YBX3: variants seen among roughly 807,000 people sequenced by gnomAD.
YBX3 encodes the protein Y-box binding protein 3.
In YBX3, 29 loss-of-function variants were observed where a neutral mutation model predicts 42.4. The observed-to-expected ratio is 0.68, with a 90% confidence interval of 0.51 to 0.93. The LOEUF is 0.93. YBX3 is among the 40% of genes least tolerant of loss of function. The pLI is 0.00. For missense variants in YBX3, 517 were observed against 527.5 expected (o/e 0.98, Z 0.19); for synonymous variants, 195 against 189.8 (o/e 1.03, Z -0.22).
intron 5 of YBX3, chr12:10,710,326 C>T: frequency 7.0e-7 from 1 of 1,434,824 alleles, no homozygotes; most frequent in Non-Finnish European, 9.1e-7. Context: ...AGATAAAATA[C>T]CAAGAAGCAG....
At chr12:10,702,290 G>A (rs1358354762) in intron 7 of YBX3, 156 bp from the exon 8 acceptor site, 2 of 587,208 alleles carry the variant, frequency 3.4e-6, no homozygotes, top group African/African-American at 1.9e-5. Flanking sequence ...GGAGGCTGAG[G>A]CAGGCGGATC....
rs547973064 is a variant in YBX3 at position 10,715,759 on chromosome 12, G to A, written c.385C>T (p.Arg129Trp). The A allele has an allele frequency of 4.7e-5, 76 of 1,613,906 alleles. No individual in the cohort carries two copies. Among genetic ancestry groups the A allele is most frequent in the South Asian group, 1.2e-4 (11 of 91,068 alleles). The change falls in exon 4 of 10, where the codon CGG (arginine) becomes TGG (tryptophan). Residue 129 changes from arginine to tryptophan, a missense_variant. Coordinates refer to ENST00000228251, the MANE Select transcript of YBX3 (RefSeq NM_003651.5). Reference protein sequence around the residue: ...HQTAIKKNNPRKYLRSVGDGE... With the variant: ...HQTAIKKNNPWKYLRSVGDGE... ...TCTCCTACACTGCGCAGATATTTCC[G>A]TGGGTTATTCTTCTTGATGGCAGTC...
chr12:10,704,559 C>A (rs1264552661), intron 6 of YBX3: 1 of 153,988 alleles, frequency 6.5e-6, no homozygotes, highest in African/African-American at 2.4e-5. Flanking sequence ...AACAAAAAAA[C>A]CCACCAACAA....
chr12:10,714,432 T>C (rs1948236498), intron 4 of YBX3, among the ~76,000 whole-genome samples: 1 of 152,114 alleles, frequency 6.6e-6, no homozygotes, highest in Admixed American at 6.5e-5. Context: ...TATAACAGAC[T>C]AAACACAAAG....
At chr12:10,712,797 T>C (rs11831073) in intron 5 of YBX3, 2,341 of 154,292 alleles carry the variant, frequency 0.015, 68 homozygotes, top group African/African-American at 0.053. Flanking sequence ...AGTCTTCCTG[T>C]TAAAAGATAA....
At chr12:10,700,926 A>G (rs1948071258) in intron 9 of YBX3, among the ~76,000 whole-genome samples, 1 of 152,158 alleles carries the variant, frequency 6.6e-6, no homozygotes, top group Non-Finnish European at 1.5e-5. Context: ...ACTGTTTCTG[A>G]TTACTAAAAC....
chr12:10,712,489 T>C (rs1226357277), intron 5 of YBX3: 1 of 152,186 alleles, frequency 6.6e-6, no homozygotes, highest in African/African-American at 2.4e-5. Context: ...TACTTTGAAA[T>C]AATGGAAAAA....
chr12:10,716,768 GA>G (rs1385650295), intron 3 of YBX3, among the ~76,000 whole-genome samples: 1 of 152,054 alleles, frequency 6.6e-6, no homozygotes, highest in Non-Finnish European at 1.5e-5. Flanking sequence ...ACCCATAGAG[GA>G]AAAAAGGCAG....
intron 6 of YBX3, among the ~76,000 whole-genome samples, chr12:10,705,378 C>G (rs797170): frequency 0.27 from 41,045 of 152,088 alleles, 5,983 homozygotes; most frequent in South Asian, 0.42. Flanking sequence ...CAGGCATGAG[C>G]CACCACGTTG....
At chr12:10,714,529 T>G (rs753660190) in intron 4 of YBX3, among the ~76,000 whole-genome samples, 5 of 152,230 alleles carry the variant, frequency 3.3e-5, no homozygotes, top group Non-Finnish European at 7.3e-5. Context: ...CCTTAACTTC[T>G]TGGATTCAGT....
intron 9 of YBX3, among the ~76,000 whole-genome samples, chr12:10,701,052 C>CTAT (rs1397842636): frequency 6.6e-6 from 1 of 152,122 alleles, no homozygotes; most frequent in Admixed American, 6.5e-5. Context: ...AATGCTTATA[C>CTAT]CCTCACCAAA....
At chr12:10,710,263 T>C (rs1360720700) in intron 5 of YBX3, 149 bp from the exon 6 acceptor site, 1 of 1,515,154 alleles carries the variant, frequency 6.6e-7, no homozygotes, top group East Asian at 2.4e-5. Flanking sequence ...TTAACCCAGA[T>C]TATCATGTGA....
chr12:10,718,394 T>C (rs1170504640), intron 2 of YBX3: 2 of 366,906 alleles, frequency 5.5e-6, no homozygotes, highest in Non-Finnish European at 9.9e-6. Flanking sequence ...TCTTTCTGAA[T>C]CACATGGTGT....
At chr12:10,702,181 G>A (rs1358659488) in intron 7 of YBX3, 47 bp from the exon 8 acceptor site, 2 of 1,545,850 alleles carry the variant, frequency 1.3e-6, no homozygotes, top group African/African-American at 1.4e-5. Context: ...ACAGGACAGG[G>A]CTTCTCCAGA....
At chr12:10,712,743 G>A (rs1286570410) in intron 5 of YBX3, 1 of 152,376 alleles carries the variant, frequency 6.6e-6, no homozygotes, top group Non-Finnish European at 1.5e-5. Context: ...AGAGCCAAAT[G>A]AAGAGAAACC....
chr12:10,713,350 A>C lies in YBX3; in HGVS notation c.451-17T>G. 6.2e-7 allele frequency: 1 copy of C among 1,609,684 alleles called. No individual in the cohort carries two copies. Among genetic ancestry groups the C allele is most frequent in the African/African-American group, 1.3e-5 (1 of 74,602 alleles). The stretch of plus-strand genomic sequence containing the variant: ...TTCTGCACCCTGAGAAGAAAATAAA[A>C]AGATGGCCTCAAAATTAAAAAGAAT... On this transcript the variant is annotated splice_polypyrimidine_tract_variant and intron_variant, in intron 4 of 9. Coordinates refer to ENST00000228251, the MANE Select transcript of YBX3 (RefSeq NM_003651.5).
intron 9 of YBX3, among the ~76,000 whole-genome samples, chr12:10,699,874 A>G (rs913148314): frequency 6.6e-6 from 1 of 152,202 alleles, no homozygotes; most frequent in Non-Finnish European, 1.5e-5. Flanking sequence ...AAGTCAGTAC[A>G]TAAGAGCAAA....
intron 1 of YBX3, 47 bp downstream of exon 1, chr12:10,722,803 G>A: frequency 1.5e-6 from 2 of 1,377,272 alleles, no homozygotes; most frequent in South Asian, 1.9e-5. Flanking sequence ...GCGGCCGGCT[G>A]GGCCCGCCCC....
At chr12:10,715,893 T>G (rs1948256748) in intron 3 of YBX3, 110 bp from the exon 4 acceptor site, 1 of 886,756 alleles carries the variant, frequency 1.1e-6, no homozygotes, top group Non-Finnish European at 1.8e-6. Context: ...GACCGATTCT[T>G]ATTTTTCCAC....
Sources: allele counts gnomAD v4.1 joint callset (sites outside exome capture counted in the v4.1 genomes callset), GRCh38; gene constraint gnomAD v4.1.1; transcripts MANE v1.5; gene names NCBI Gene and HGNC (gene_info 2026-07-23, HGNC 2026-07-21).